The following GPC6 variants were observed in gnomAD, a reference collection of about 807,000 sequenced individuals.
The protein encoded by GPC6 is glypican 6.
A neutral mutation model predicts 55.2 loss-of-function variants in GPC6; 14 were observed. The observed-to-expected ratio is 0.25, with a 90% confidence interval of 0.17 to 0.40. The LOEUF is 0.40. Among genes scored for constraint, GPC6 ranks in the 10% least tolerant of loss-of-function variants. The pLI, the probability that GPC6 is intolerant of heterozygous loss-of-function variation, is 1.00. For missense variants in GPC6, 641 were observed against 708.5 expected, an observed-to-expected ratio of 0.90 and a Z score of 1.08; for synonymous variants, 278 against 259.6, an observed-to-expected ratio of 1.07 and a Z score of -0.68.
intron 2 of GPC6, among the ~76,000 whole-genome samples, chr13:93,786,947 G>A (rs948752407): frequency 6.6e-6 from 1 of 152,166 alleles, no homozygotes; most frequent in Non-Finnish European, 1.5e-5. Flanking sequence ...TTGGGCTGGA[G>A]CCAGCTATAA....
rs75545768 is a variant in GPC6 at position 93,509,540 on chromosome 13, T to C, written c.161-35723T>C. ...AATGAGTAAACCAAATGCCTTCCAT[T>C]GATAGTCTTAGAATGCCCTTGAAGA... is the stretch of plus-strand genomic sequence containing the variant. On this transcript the variant is annotated intron_variant, in intron 1 of 8. Coordinates refer to ENST00000377047, the MANE Select transcript of GPC6 (RefSeq NM_005708.5). Among the ~76,000 whole-genome samples, 7 of 152,318 alleles carry C rather than the reference T, an allele frequency of 4.6e-5. No homozygotes were observed. The East Asian group carries it at 1.4e-3, about 29-fold the overall frequency.
At chr13:93,493,605 T>C (rs1880125088) in intron 1 of GPC6, among the ~76,000 whole-genome samples, 1 of 137,708 alleles carries the variant, frequency 7.3e-6, no homozygotes, top group African/African-American at 2.7e-5. Flanking sequence ...GTTCTTTTAA[T>C]TGTGATGTTA....
chr13:93,827,815 G>A (rs1887319458), intron 2 of GPC6, among the ~76,000 whole-genome samples: 1 of 152,010 alleles, frequency 6.6e-6, no homozygotes, highest in Non-Finnish European at 1.5e-5. Context: ...ATAGTGAGTG[G>A]GCAGTCTTGT....
intron 4 of GPC6, among the ~76,000 whole-genome samples, chr13:94,210,298 A>G (rs1188581479): frequency 6.6e-6 from 1 of 151,892 alleles, no homozygotes; most frequent in Non-Finnish European, 1.5e-5. Context: ...CTGGGATTAC[A>G]GGTTTCTGCC....
chr13:94,035,915 T>G (rs1479388121), intron 4 of GPC6, among the ~76,000 whole-genome samples: 1 of 152,010 alleles, frequency 6.6e-6, no homozygotes, highest in Non-Finnish European at 1.5e-5. Flanking sequence ...ATGAGTTTTC[T>G]TTTTCCTCAG....
chr13:94,175,558 T>C (rs1307873882), intron 4 of GPC6, among the ~76,000 whole-genome samples: 1 of 152,118 alleles, frequency 6.6e-6, no homozygotes, highest in Admixed American at 6.6e-5. Context: ...GGTATTCTGA[T>C]TGGGTTTAAT....
chr13:93,820,324 G>A (rs180888107), intron 2 of GPC6, among the ~76,000 whole-genome samples: 13 of 152,040 alleles, frequency 8.6e-5, no homozygotes, highest in Admixed American at 8.5e-4. Context: ...TAGAACTCTT[G>A]TTTCTACTTA....
At chr13:94,159,004 G>T (rs932051579) in intron 4 of GPC6, among the ~76,000 whole-genome samples, 2 of 152,080 alleles carry the variant, frequency 1.3e-5, no homozygotes, top group Non-Finnish European at 2.9e-5. Flanking sequence ...ACTCCCACCT[G>T]TAGGTATGTA....
chr13:93,559,708 C>A (rs1875663776), intron 2 of GPC6, among the ~76,000 whole-genome samples: 2 of 152,162 alleles, frequency 1.3e-5, no homozygotes, highest in South Asian at 4.1e-4. Context: ...TTCTCAGCAA[C>A]CTTAAATCCT....
At chr13:93,482,984 C>T (rs1879574360) in intron 1 of GPC6, among the ~76,000 whole-genome samples, 4 of 151,984 alleles carry the variant, frequency 2.6e-5, no homozygotes, top group Admixed American at 1.3e-4. Flanking sequence ...CTTAGGAGAC[C>T]GTAAATGTGA....
At chr13:93,718,163 C>G (rs1370660900) in intron 2 of GPC6, among the ~76,000 whole-genome samples, 1 of 151,834 alleles carries the variant, frequency 6.6e-6, no homozygotes. Flanking sequence ...ATTTCTAGTT[C>G]TAGATCCTTG....
At chr13:93,567,753 C>G (rs1594274386) in intron 2 of GPC6, among the ~76,000 whole-genome samples, 4 of 151,942 alleles carry the variant, frequency 2.6e-5, no homozygotes, top group Admixed American at 2.6e-4. Context: ...TAAATTTTAC[C>G]CTATTTATTG....
At chr13:94,348,068 G>A (rs1878372516) in intron 6 of GPC6, among the ~76,000 whole-genome samples, 1 of 152,202 alleles carries the variant, frequency 6.6e-6, no homozygotes, top group Non-Finnish European at 1.5e-5. Flanking sequence ...AATATAGCCT[G>A]GAGTTAGACA....
At chr13:93,361,852 G>A (rs757835142) in intron 1 of GPC6, among the ~76,000 whole-genome samples, 1 of 152,138 alleles carries the variant, frequency 6.6e-6, no homozygotes, top group Non-Finnish European at 1.5e-5. Context: ...CCCTGGGTCC[G>A]TGCAGTCAAA....
intron 1 of GPC6, among the ~76,000 whole-genome samples, chr13:93,355,266 A>G (rs1209000062): frequency 6.6e-6 from 1 of 152,208 alleles, no homozygotes; most frequent in Non-Finnish European, 1.5e-5. Flanking sequence ...GCTGACGTGT[A>G]TGACTGTCAC....
Position 93,426,893 on chromosome 13 carries a change from GC to G in GPC6, c.161-118369del, listed in dbSNP as rs1186275437. Among the ~76,000 whole-genome samples the G allele has an allele frequency of 3.4e-5, 5 of 146,536 alleles. No individual in the cohort carries two copies. In the East Asian group the frequency reaches 7.9e-4, roughly 23 times the overall value. Reference sequence around the variant, plus strand: ...TTCCTATTTCTCCACATCCTCTCCAGCACCTGTTGTTTCCTGACATTTTAAT... The same window carrying G: ...TTCCTATTTCTCCACATCCTCTCCAGACCTGTTGTTTCCTGACATTTTAAT... On this transcript the variant is annotated intron_variant, in intron 1 of 8. Transcript: ENST00000377047.
chr13:94,090,275 C>G (rs1309814342), intron 4 of GPC6, among the ~76,000 whole-genome samples: 2 of 151,924 alleles, frequency 1.3e-5, no homozygotes, highest in East Asian at 3.9e-4. Context: ...AAAACCGGCC[C>G]CTGTGATTTA....
intron 1 of GPC6, among the ~76,000 whole-genome samples, chr13:93,466,329 T>C (rs1381630122): frequency 1.3e-5 from 2 of 152,246 alleles, no homozygotes; most frequent in East Asian, 3.8e-4. Flanking sequence ...TTTCGTCACG[T>C]ATATCACGTG....
intron 4 of GPC6, among the ~76,000 whole-genome samples, chr13:94,057,776 T>C (rs191978322): frequency 5.2e-4 from 79 of 152,264 alleles, no homozygotes; most frequent in African/African-American, 1.7e-3. Flanking sequence ...AGAAACCAAG[T>C]GCTTCTAAGA....
Sources: gnomAD v4.1 joint callset for allele counts (sites outside exome capture counted in the v4.1 genomes callset) on GRCh38, gnomAD v4.1.1 for gene constraint, MANE v1.5 for transcripts, NCBI Gene and HGNC (gene_info 2026-07-23, HGNC 2026-07-21) for gene names.